Variants in EXOC4 observed in about 807,000 individuals in gnomAD.
EXOC4 encodes SEC8-like 1.
A neutral mutation model predicts 107.2 loss-of-function variants in EXOC4; 71 were observed. The ratio of observed to expected loss-of-function variants is 0.66; its 90% confidence interval spans 0.55 to 0.81. The LOEUF is 0.81. EXOC4 is among the 30% of genes least tolerant of loss of function. The probability of loss-of-function intolerance (pLI) is 0.00; values close to 1 mark genes in which losing one functional copy is unlikely to be tolerated. For synonymous variants in EXOC4, 456 were observed against 441.2 expected (o/e 1.03, Z -0.42); for missense variants, 1,108 against 1,189.6 (o/e 0.93, Z 1.01).
At position 133,738,941 on chromosome 7, in the gene EXOC4, C is replaced by T. The variant is rs149647031; in HGVS notation, c.1515-78384C>T. 2.3e-3 allele frequency among the ~76,000 whole-genome samples: 354 copies of T among 152,270 alleles called. 5 individuals are homozygous for T. Among genetic ancestry groups the T allele is most frequent in the African/African-American group, 7.9e-3 (330 of 41,530 alleles). ...TTATAAAATAGATGGATTACTTTAA[C>T]AGTTTGTAGCTGTGAAGAGAGCGAA... On this transcript the variant is annotated intron_variant, in intron 10 of 17. Coordinates refer to ENST00000253861, the MANE Select transcript of EXOC4 (RefSeq NM_021807.4).
At chr7:133,879,497 A>G (rs529588766) in intron 11 of EXOC4, among the ~76,000 whole-genome samples, 1 of 152,332 alleles carries the variant, frequency 6.6e-6, no homozygotes, top group South Asian at 2.1e-4. Flanking sequence ...TCCTACTTGA[A>G]AGATAGCACA....
intron 14 of EXOC4, among the ~76,000 whole-genome samples, chr7:133,977,735 GT>G (rs11329900): frequency 0.72 from 108,219 of 150,964 alleles, 39,233 homozygotes; most frequent in East Asian, 0.9. Context: ...TGGTTTTGTT[GT>G]TTTGTGTGTG....
chr7:133,448,476 T>G (rs865875083), intron 7 of EXOC4, among the ~76,000 whole-genome samples: 4 of 152,066 alleles, frequency 2.6e-5, no homozygotes, highest in Non-Finnish European at 5.9e-5. Flanking sequence ...TTTTAATTAA[T>G]TTATTTATTT....
At chr7:133,983,291 G>A (rs936610316) in intron 14 of EXOC4, among the ~76,000 whole-genome samples, 3 of 152,138 alleles carry the variant, frequency 2.0e-5, no homozygotes, top group Admixed American at 6.6e-5. Context: ...TCAACATGAG[G>A]TTTAGAGAGG....
At chr7:133,721,569 ATGACACAGTAAGTT>A (rs1279742203) in intron 10 of EXOC4, among the ~76,000 whole-genome samples, 1 of 152,248 alleles carries the variant, frequency 6.6e-6, no homozygotes, top group Non-Finnish European at 1.5e-5. Context: ...TGCTTGGTGT[ATGACACAGTAAGTT>A]TTTGAATCTT....
At chr7:133,479,721 G>A (rs1477387356) in intron 8 of EXOC4, 4 of 265,802 alleles carry the variant, frequency 1.5e-5, no homozygotes, top group East Asian at 1.4e-4. Context: ...GGATGCTTTC[G>A]TTGCTGCATG....
At chr7:133,466,928 C>T (rs28416240) in intron 7 of EXOC4, among the ~76,000 whole-genome samples, 11,601 of 152,002 alleles carry the variant, frequency 0.076, 1,471 homozygotes, top group African/African-American at 0.26. Flanking sequence ...GATTATTTAT[C>T]AAAAAAGGAA....
chr7:133,863,726 A>C (rs1057010294), intron 11 of EXOC4, among the ~76,000 whole-genome samples: 2 of 152,230 alleles, frequency 1.3e-5, no homozygotes, highest in African/African-American at 4.8e-5. Flanking sequence ...CATATTGCCA[A>C]GAAAATCAAG....
At chr7:133,458,273 T>G (rs1310299631) in intron 7 of EXOC4, among the ~76,000 whole-genome samples, 1 of 152,256 alleles carries the variant, frequency 6.6e-6, no homozygotes, top group African/African-American at 2.4e-5. Context: ...GGGTTGGGAT[T>G]GTCATTTATC....
At chr7:133,817,937 T>C (rs888402851) in intron 11 of EXOC4, among the ~76,000 whole-genome samples, 1 of 152,224 alleles carries the variant, frequency 6.6e-6, no homozygotes, top group Non-Finnish European at 1.5e-5. Flanking sequence ...GGAAACCCTC[T>C]ATACCTTTTA....
At chr7:134,083,660 G>A in the EXOC4 span, among the ~76,000 whole-genome samples, 4 of 152,052 alleles carry the variant, frequency 2.6e-5, no homozygotes, top group Non-Finnish European at 4.4e-5. Context: ...CAGGGTAGTC[G>A]GACTTCTTAA....
intron 9 of EXOC4, among the ~76,000 whole-genome samples, chr7:133,511,178 G>T (rs1409047690): frequency 6.6e-6 from 1 of 152,036 alleles, no homozygotes; most frequent in Non-Finnish European, 1.5e-5. Context: ...AAATTCACAA[G>T]ATTAAAAAAG....
At chr7:133,849,635 C>T (rs1345322810) in intron 11 of EXOC4, among the ~76,000 whole-genome samples, 2 of 152,208 alleles carry the variant, frequency 1.3e-5, no homozygotes, top group Admixed American at 1.3e-4. Flanking sequence ...AGCTCCAGCA[C>T]ATCACTATTC....
At chr7:133,480,563 G>T (rs1799130744) in intron 9 of EXOC4, 1 of 497,948 alleles carries the variant, frequency 2.0e-6, no homozygotes, top group Admixed American at 4.9e-5. Context: ...AAGGGAAAAA[G>T]ATGCCTCTAA....
At chr7:133,479,828 G>C (rs1799110096) in intron 8 of EXOC4, 1 of 531,736 alleles carries the variant, frequency 1.9e-6, no homozygotes. Context: ...ATAAGCAAAA[G>C]ATCCAAATAC....
intron 10 of EXOC4, among the ~76,000 whole-genome samples, chr7:133,640,708 T>C (rs1802833310): frequency 6.6e-6 from 1 of 152,206 alleles, no homozygotes; most frequent in Non-Finnish European, 1.5e-5. Flanking sequence ...TTAGTTGACA[T>C]GTTTCCTAGA....
rs919936769 is a variant in EXOC4, at chr7:133,347,758, G to T, written c.764-8572G>T. On this transcript the variant is annotated intron_variant, in intron 5 of 17. Coordinates refer to ENST00000253861, the MANE Select transcript of EXOC4 (RefSeq NM_021807.4). ...TACAATGTGTGTGTGTGTGTAGGGGGCTGTGATCACAAGCACTTGGGGCCA... is the reference window on the plus strand; with the variant it reads ...TACAATGTGTGTGTGTGTGTAGGGGTCTGTGATCACAAGCACTTGGGGCCA... 9.2e-5 allele frequency among the ~76,000 whole-genome samples: 14 copies of T among 152,002 alleles called. 1 individual carries two copies. In the East Asian group the frequency reaches 2.7e-3, roughly 29 times the overall value.
At chr7:133,519,669 A>T (rs1315319078) in intron 9 of EXOC4, among the ~76,000 whole-genome samples, 3 of 152,204 alleles carry the variant, frequency 2.0e-5, no homozygotes, top group Non-Finnish European at 2.9e-5. Context: ...AATATGATAG[A>T]AGTTGAGTAC....
intron 11 of EXOC4, among the ~76,000 whole-genome samples, chr7:133,827,268 AT>A (rs1256736642): frequency 6.6e-6 from 1 of 152,144 alleles, no homozygotes; most frequent in Non-Finnish European, 1.5e-5. Context: ...CTGAGAGATG[AT>A]TTTTTAATAT....
Sources: gnomAD v4.1 joint callset for allele counts (sites outside exome capture counted in the v4.1 genomes callset) on GRCh38, gnomAD v4.1.1 for gene constraint, MANE v1.5 for transcripts, NCBI Gene and HGNC (gene_info 2026-07-23, HGNC 2026-07-21) for gene names.